The following GRIK1 variants were observed in gnomAD, a reference collection of about 807,000 sequenced individuals.
GRIK1 encodes the protein glutamate receptor ionotropic, kainate 1.
GRIK1 carries 69 observed loss-of-function variants against 105.7 expected under a neutral mutation model. That is an observed-to-expected ratio of 0.65 (90% CI 0.54 to 0.80). The LOEUF (loss-of-function observed/expected upper bound fraction) is 0.80. Among genes scored for constraint, GRIK1 ranks in the 30% least tolerant of loss-of-function variants. The pLI, the probability that GRIK1 is intolerant of heterozygous loss-of-function variation, is 0.00. For synonymous variants in GRIK1, 438 were observed against 431.3 expected (o/e 1.02, Z -0.19); for missense variants, 1,109 against 1,167.3 (o/e 0.95, Z 0.73).
intron 1 of GRIK1, among the ~76,000 whole-genome samples, chr21:29,910,650 A>C (rs985664305): frequency 1.3e-5 from 2 of 152,166 alleles, no homozygotes; most frequent in Non-Finnish European, 2.9e-5. Context: ...AATAAAAATT[A>C]ACCTTTCTTG....
intron 1 of GRIK1, among the ~76,000 whole-genome samples, chr21:29,842,263 G>C (rs2068004026): frequency 6.6e-6 from 1 of 152,020 alleles, no homozygotes; most frequent in Non-Finnish European, 1.5e-5. Context: ...ATGTAATACA[G>C]TTCATCTCCC....
At chr21:29,697,653 A>G (rs1248759803) in intron 1 of GRIK1, among the ~76,000 whole-genome samples, 4 of 152,152 alleles carry the variant, frequency 2.6e-5, no homozygotes, top group African/African-American at 9.7e-5. Context: ...GAAACAGGAG[A>G]AAGTTATTAA....
chr21:29,580,567 T>C (rs565714838), intron 13 of GRIK1, among the ~76,000 whole-genome samples: 3 of 152,114 alleles, frequency 2.0e-5, no homozygotes, highest in Non-Finnish European at 4.4e-5. Flanking sequence ...AACCTTAGGG[T>C]TCACCCCCAA....
At chr21:29,694,287 C>T (rs2063648840) in intron 1 of GRIK1, among the ~76,000 whole-genome samples, 1 of 151,968 alleles carries the variant, frequency 6.6e-6, no homozygotes, top group East Asian at 1.9e-4. Flanking sequence ...CCATGCCCGG[C>T]TAATTATTAT....
Position 29,587,529 on chromosome 21 carries a change from A to C in GRIK1, c.1630T>G (p.Phe544Val). 6.2e-7 allele frequency: 1 copy of C among 1,613,880 alleles called. No homozygotes were observed. The highest frequency in any genetic ancestry group is 8.5e-7 in the Non-Finnish European group (1 of 1,179,776). The change falls in exon 12 of 18, where the codon TTC (phenylalanine) becomes GTC (valine). Residue 544 changes from phenylalanine to valine, a missense_variant. Transcript: ENST00000327783. ...ITYVREKVID[F>V]SKPFMTLGIS... ...CCTAGGGTCATGAAGGGTTTGGAGAAGTCAATGACTTTCTCCCGCACGTAG... is the reference window on the plus strand; with the variant it reads ...CCTAGGGTCATGAAGGGTTTGGAGACGTCAATGACTTTCTCCCGCACGTAG...
At chr21:29,803,731 AG>A (rs1459360898) in intron 1 of GRIK1, among the ~76,000 whole-genome samples, 3 of 151,914 alleles carry the variant, frequency 2.0e-5, no homozygotes, top group East Asian at 1.9e-4. Context: ...TTGGTAAGTG[AG>A]GAAAAAAAAT....
chr21:29,589,035 G>T lies in GRIK1; in HGVS notation c.1373C>A (p.Pro458His). 2 of 1,570,550 alleles carry T rather than the reference G, an allele frequency of 1.3e-6. No individual in the cohort carries two copies. Among genetic ancestry groups the T allele is most frequent in the Non-Finnish European group, 1.7e-6 (2 of 1,143,380 alleles). Residue 458 changes from proline to histidine, a missense_variant, in exon 11 of 18, where the codon CCC (proline) becomes CAC (histidine). Pro to His is a moderately conservative substitution (Grantham distance 77). Transcript: ENST00000327783. ...TLIVTTILEE[P>H]YVMYRKSDKP... ...ATCAGATTTCCTGTACATAACATAGGGTTCTTCCTAAATGAAACAAACCAA... is the reference window on the plus strand; with the variant it reads ...ATCAGATTTCCTGTACATAACATAGTGTTCTTCCTAAATGAAACAAACCAA...
chr21:29,645,104 T>G (rs767236181), intron 6 of GRIK1, among the ~76,000 whole-genome samples: 13 of 152,216 alleles, frequency 8.5e-5, no homozygotes, highest in Non-Finnish European at 1.3e-4. Flanking sequence ...TCACTGATAA[T>G]TTACTATGTG....
At chr21:29,905,942 TTTG>T (rs1198813392) in intron 1 of GRIK1, among the ~76,000 whole-genome samples, 3 of 135,978 alleles carry the variant, frequency 2.2e-5, no homozygotes, top group African/African-American at 6.6e-5. Flanking sequence ...ACTTGTTTTT[TTTG>T]TTTGTTTGTT....
chr21:29,691,051 C>T (rs976648463), intron 2 of GRIK1, among the ~76,000 whole-genome samples: 8 of 152,112 alleles, frequency 5.3e-5, no homozygotes, highest in Non-Finnish European at 1.0e-4. Flanking sequence ...TGGCTCATGC[C>T]TGTAATCCCA....
chr21:29,884,461 C>T (rs1050290496), intron 1 of GRIK1, among the ~76,000 whole-genome samples: 4 of 151,916 alleles, frequency 2.6e-5, no homozygotes, highest in Admixed American at 6.6e-5. Flanking sequence ...CTCCCACCCC[C>T]GACTCTTTGT....
intron 7 of GRIK1, among the ~76,000 whole-genome samples, chr21:29,611,721 A>G (rs1458504203): frequency 6.6e-6 from 1 of 152,238 alleles, no homozygotes; most frequent in Non-Finnish European, 1.5e-5. Context: ...ATTTCCATCA[A>G]TGAGATGATG....
intron 14 of GRIK1, among the ~76,000 whole-genome samples, chr21:29,567,185 G>T (rs1467602284): frequency 6.6e-6 from 1 of 152,076 alleles, no homozygotes; most frequent in Non-Finnish European, 1.5e-5. Context: ...ACAGTATTTT[G>T]CTTTTCATAT....
intron 4 of GRIK1, among the ~76,000 whole-genome samples, chr21:29,661,865 C>T (rs2062970407): frequency 6.6e-6 from 1 of 152,160 alleles, no homozygotes; most frequent in South Asian, 2.1e-4. Flanking sequence ...TCCTCTGTTT[C>T]CCTCCATTCA....
At position 29,725,617 on chromosome 21, in the gene GRIK1, A is replaced by C. The variant is rs563072157; in HGVS notation, c.119-31554T>G. Among the ~76,000 whole-genome samples the C allele has an allele frequency of 3.2e-4, 49 of 152,320 alleles. No individual in the cohort carries two copies. The Middle Eastern group carries it at 0.01, about 32-fold the overall frequency. The stretch of plus-strand genomic sequence containing the variant: ...GTAGCCATAATGTAGTCCTATTAGA[A>C]CCATAGCTTCATTGTCGGAAACTTC... On this transcript the variant is annotated intron_variant, in intron 1 of 17. Transcript: ENST00000327783.
chr21:29,604,796 A>T (rs1389988234), intron 7 of GRIK1, among the ~76,000 whole-genome samples: 4 of 152,218 alleles, frequency 2.6e-5, no homozygotes, highest in African/African-American at 9.6e-5. Context: ...AGTTTTCCTC[A>T]TTCCTCTTAT....
intron 1 of GRIK1, among the ~76,000 whole-genome samples, chr21:29,833,377 C>A (rs1030628614): frequency 1.3e-5 from 2 of 152,122 alleles, no homozygotes; most frequent in Non-Finnish European, 2.9e-5. Flanking sequence ...CTCCCAGTAC[C>A]AATTTTCTGT....
chr21:29,581,674 G>T (rs917218823), intron 12 of GRIK1, 131 bp from the exon 13 acceptor site: 5 of 602,688 alleles, frequency 8.3e-6, no homozygotes, highest in African/African-American at 7.4e-5. Flanking sequence ...AAGAGTAAAG[G>T]CCATAGTCAT....
At chr21:29,877,242 G>A (rs1005980902) in intron 1 of GRIK1, among the ~76,000 whole-genome samples, 2 of 152,048 alleles carry the variant, frequency 1.3e-5, no homozygotes, top group Non-Finnish European at 2.9e-5. Flanking sequence ...TTGATGCTAG[G>A]CAAGGAATAG....
Sources: allele counts gnomAD v4.1 joint callset (sites outside exome capture counted in the v4.1 genomes callset), GRCh38; gene constraint gnomAD v4.1.1; transcripts MANE v1.5; gene names NCBI Gene and HGNC (gene_info 2026-07-23, HGNC 2026-07-21).